Variants in PLCB1 observed in about 807,000 individuals in gnomAD.
The protein encoded by PLCB1 is 1-phosphatidylinositol 4,5-bisphosphate phosphodiesterase beta-1.
A neutral mutation model predicts 161.8 loss-of-function variants in PLCB1; 46 were observed. That is an observed-to-expected ratio of 0.28 (90% CI 0.22 to 0.36). The LOEUF is 0.36. Among genes scored for constraint, PLCB1 ranks in the 10% least tolerant of loss-of-function variants. PLCB1 has a pLI of 1.00. For missense variants in PLCB1, 1,016 were observed against 1,472.5 expected (o/e 0.69, Z 5.07); for synonymous variants, 517 against 503.7 (o/e 1.03, Z -0.35).
chr20:8,250,166 T>G (rs1209554201), intron 2 of PLCB1, among the ~76,000 whole-genome samples: 1 of 151,916 alleles, frequency 6.6e-6, no homozygotes, highest in East Asian at 1.9e-4. Flanking sequence ...AAACCTATCA[T>G]TTCTATATCT....
chr20:8,332,803 CAGA>C (rs1298726905), intron 2 of PLCB1, among the ~76,000 whole-genome samples: 3 of 152,164 alleles, frequency 2.0e-5, no homozygotes, highest in Non-Finnish European at 2.9e-5. Flanking sequence ...CAACCCAAGT[CAGA>C]AGAACTATTT....
chr20:8,218,686 G>A (rs1979256940), intron 2 of PLCB1, among the ~76,000 whole-genome samples: 1 of 151,720 alleles, frequency 6.6e-6, no homozygotes, highest in African/African-American at 2.4e-5. Context: ...AAAGGCAACA[G>A]AGAGCATGAA....
intron 2 of PLCB1, chr20:8,256,604 T>C (rs1410362174): frequency 1.3e-5 from 2 of 152,132 alleles, no homozygotes; most frequent in Admixed American, 1.3e-4. Context: ...TAATCTCCAA[T>C]TTTTTGATGG....
At chr20:8,713,553 A>T (rs1979136743) in intron 12 of PLCB1, among the ~76,000 whole-genome samples, 1 of 152,202 alleles carries the variant, frequency 6.6e-6, no homozygotes, top group South Asian at 2.1e-4. Flanking sequence ...TCAGACCAGC[A>T]GCATCTGCAT....
At chr20:8,446,737 T>C (rs905527656) in intron 3 of PLCB1, among the ~76,000 whole-genome samples, 1 of 152,166 alleles carries the variant, frequency 6.6e-6, no homozygotes, top group African/African-American at 2.4e-5. Context: ...TATTAAAAAT[T>C]AGTAGAAGGA....
At chr20:8,863,125 G>A (rs1215964162) in intron 31 of PLCB1, among the ~76,000 whole-genome samples, 1 of 152,184 alleles carries the variant, frequency 6.6e-6, no homozygotes, top group African/African-American at 2.4e-5. Context: ...GAGAAAGCAA[G>A]CTGTTGGAAT....
chr20:8,587,988 T>C (rs1987040896), intron 3 of PLCB1, among the ~76,000 whole-genome samples: 1 of 152,162 alleles, frequency 6.6e-6, no homozygotes, highest in South Asian at 2.1e-4. Flanking sequence ...AAAAAACTTG[T>C]GAAACCAAGT....
At chr20:8,486,492 T>TA (rs1982730309) in intron 3 of PLCB1, among the ~76,000 whole-genome samples, 1 of 141,132 alleles carries the variant, frequency 7.1e-6, no homozygotes, top group African/African-American at 2.7e-5. Context: ...TTTTTTTTTT[T>TA]TTTTTTTTTT....
intron 31 of PLCB1, among the ~76,000 whole-genome samples, chr20:8,856,561 G>C (rs919359784): frequency 6.6e-6 from 1 of 150,996 alleles, no homozygotes; most frequent in Non-Finnish European, 1.5e-5. Flanking sequence ...AGTTTACAGT[G>C]AGCCGAGATC....
intron 3 of PLCB1, among the ~76,000 whole-genome samples, chr20:8,404,029 A>G (rs999975789): frequency 1.1e-4 from 16 of 151,676 alleles, no homozygotes; most frequent in African/African-American, 3.9e-4. Context: ...TTTGGCTCAT[A>G]AGTATTTATG....
intron 18 of PLCB1, among the ~76,000 whole-genome samples, chr20:8,731,273 A>G (rs2123496145): frequency 6.6e-6 from 1 of 152,074 alleles, no homozygotes; most frequent in Admixed American, 6.6e-5. Context: ...TATATAATCA[A>G]ATCAGAGTAA....
At chr20:8,812,792 C>G (rs1203136736) in intron 31 of PLCB1, among the ~76,000 whole-genome samples, 1 of 152,168 alleles carries the variant, frequency 6.6e-6, no homozygotes, top group Non-Finnish European at 1.5e-5. Flanking sequence ...TGCAAAAAAA[C>G]GTGTAAAACC....
intron 3 of PLCB1, among the ~76,000 whole-genome samples, chr20:8,400,890 G>C (rs748362648): frequency 3.3e-5 from 5 of 152,020 alleles, no homozygotes; most frequent in African/African-American, 1.2e-4. Flanking sequence ...AGGTATATTC[G>C]AATTTCCTGT....
rs138505715 is a variant in PLCB1 at position 8,209,188 on chromosome 20, G to T, written c.177+58817G>T. Among the ~76,000 whole-genome samples the T allele has an allele frequency of 1.3e-3, 191 of 150,668 alleles. 1 individual carries two copies. The highest frequency in any genetic ancestry group is 4.4e-3 in the African/African-American group (179 of 40,874). On this transcript the variant is annotated intron_variant, in intron 2 of 31. Coordinates refer to ENST00000338037, the MANE Select transcript of PLCB1 (RefSeq NM_015192.4). ...AATTAAACTTGAGGGCAGAAGAAAA[G>T]AAACTGTTTTTTGTTTTTTTTTTCT... is the stretch of plus-strand genomic sequence containing the variant.
chr20:8,488,974 G>A (rs1982838931), intron 3 of PLCB1, among the ~76,000 whole-genome samples: 1 of 152,106 alleles, frequency 6.6e-6, no homozygotes, highest in African/African-American at 2.4e-5. Flanking sequence ...CTCAGCAGTG[G>A]CATGTTAAGA....
chr20:8,160,003 A>AG (rs1177354025), intron 2 of PLCB1, among the ~76,000 whole-genome samples: 31 of 151,160 alleles, frequency 2.1e-4, no homozygotes, highest in African/African-American at 4.4e-4. Flanking sequence ...AAAAAAAAAA[A>AG]AAAAAGAAAA....
chr20:8,764,161 T>TG (rs2123582881), intron 25 of PLCB1, among the ~76,000 whole-genome samples: 2 of 152,142 alleles, frequency 1.3e-5, no homozygotes, highest in African/African-American at 4.8e-5. Context: ...AGCAAGACTC[T>TG]GTCTCAAAAA....
At chr20:8,464,959 T>C (rs1331630506) in intron 3 of PLCB1, among the ~76,000 whole-genome samples, 2 of 152,182 alleles carry the variant, frequency 1.3e-5, no homozygotes, top group Non-Finnish European at 2.9e-5. Context: ...CTAGATATTC[T>C]TTTTGCTTTA....
rs1227897907 is a variant in PLCB1 at position 8,633,139 on chromosome 20, CACACACACAT to C, written c.384+4710_384+4719del. 4.5e-4 allele frequency among the ~76,000 whole-genome samples: 53 copies of C among 116,900 alleles called. 1 individual carries two copies. The highest frequency in any genetic ancestry group is 4.6e-3 in the Middle Eastern group (1 of 218). The allele number at this position is 116,900 out of a possible 152,430, so 76.7% of individuals were successfully genotyped here. On this transcript the variant is annotated intron_variant, in intron 4 of 31. Coordinates refer to ENST00000338037, the MANE Select transcript of PLCB1 (RefSeq NM_015192.4). ...ACACACACACACACACACACACACA[CACACACACAT>C]ATTATAAAGAAGGAAGTGATGGCAT...
Sources: gnomAD v4.1 joint callset for allele counts (sites outside exome capture counted in the v4.1 genomes callset) on GRCh38, gnomAD v4.1.1 for gene constraint, MANE v1.5 for transcripts, NCBI Gene and HGNC (gene_info 2026-07-23, HGNC 2026-07-21) for gene names.